Variants in PPA1 observed in about 807,000 individuals in gnomAD.
PPA1 encodes the protein inorganic pyrophosphatase 1, also known as inorganic pyrophosphatase.
Under a neutral mutation model 41.8 loss-of-function variants are expected in PPA1, and 23 were observed. The observed-to-expected ratio is 0.55, with a 90% confidence interval of 0.40 to 0.78. The LOEUF (loss-of-function observed/expected upper bound fraction) is 0.78, where lower values mean the gene tolerates loss of function less well. Among genes scored for constraint, PPA1 ranks in the 30% least tolerant of loss-of-function variants. The probability of loss-of-function intolerance (pLI) is 0.00; values close to 1 mark genes in which losing one functional copy is unlikely to be tolerated. For missense variants in PPA1, 320 were observed against 361.6 expected, an observed-to-expected ratio of 0.89 and a Z score of 0.93; for synonymous variants, 101 against 116.8, an observed-to-expected ratio of 0.86 and a Z score of 0.87.
At chr10:70,215,952 G>A (rs1165359717) in intron 4 of PPA1, among the ~76,000 whole-genome samples, 1 of 152,188 alleles carries the variant, frequency 6.6e-6, no homozygotes, top group East Asian at 1.9e-4. Flanking sequence ...GTGCTAGCCA[G>A]GATGTTAGGT....
chr10:70,218,709 G>T, intron 3 of PPA1, 55 bp downstream of exon 3: 1 of 1,350,830 alleles, frequency 7.4e-7, no homozygotes, highest in Non-Finnish European at 1.1e-6. Context: ...AAGTCAGTGT[G>T]ACTAGATCAA....
In PPA1 at chr10:70,223,144, C is replaced by T. The variant is rs544302610; in HGVS notation, c.124-4327G>A. 1.4e-3 allele frequency among the ~76,000 whole-genome samples: 216 copies of T among 152,048 alleles called. 4 individuals are homozygous for T. In the South Asian group the frequency reaches 0.018, roughly 13 times the overall value. ...CTTTGGGAGGCAGAGGCAGGAGGAC[C>T]GCTTGAGGCCAAGAGTTCAAGACCA... On this transcript the variant is annotated intron_variant, in intron 2 of 10. Coordinates refer to ENST00000373232, the MANE Select transcript of PPA1 (RefSeq NM_021129.4).
chr10:70,207,755 T>C (rs1342878773), intron 8 of PPA1, among the ~76,000 whole-genome samples: 1 of 152,222 alleles, frequency 6.6e-6, no homozygotes, highest in Non-Finnish European at 1.5e-5. Context: ...ACAATCCTAA[T>C]ATGTTTTTTG....
intron 2 of PPA1, among the ~76,000 whole-genome samples, chr10:70,229,070 AAAG>A (rs769831166): frequency 9.9e-5 from 15 of 152,252 alleles, no homozygotes; most frequent in Non-Finnish European, 2.2e-4. Flanking sequence ...AAAGGTAGAA[AAAG>A]AATAAGATAT....
intron 2 of PPA1, among the ~76,000 whole-genome samples, chr10:70,221,078 T>TATATATATA (rs1564584674): frequency 1.0e-4 from 1 of 9,968 alleles, no homozygotes; most frequent in African/African-American, 5.5e-4. Context: ...ATATATATAT[T>TATATATATA]TTTTTTTTTT....
intron 9 of PPA1, chr10:70,205,130 A>T: frequency 2.8e-6 from 1 of 353,204 alleles, no homozygotes; most frequent in Non-Finnish European, 5.1e-6. Context: ...CATGCCCATA[A>T]TCCCAACACT....
chr10:70,206,762 T>A (rs996167525), intron 8 of PPA1, among the ~76,000 whole-genome samples: 1 of 150,274 alleles, frequency 6.7e-6, no homozygotes, highest in Admixed American at 6.7e-5. Flanking sequence ...GAGAATCGCT[T>A]GAATCTGGAA....
At chr10:70,218,133 AT>A (rs1840099425) in intron 3 of PPA1, among the ~76,000 whole-genome samples, 1 of 152,232 alleles carries the variant, frequency 6.6e-6, no homozygotes, top group Non-Finnish European at 1.5e-5. Flanking sequence ...TAAAGGAACT[AT>A]CAAGAAGGGA....
intron 2 of PPA1, among the ~76,000 whole-genome samples, chr10:70,221,041 T>TTATA (rs372616008): frequency 0.011 from 691 of 64,930 alleles, 36 homozygotes; most frequent in Non-Finnish European, 0.015. Flanking sequence ...TATATATAAA[T>TTATA]TATATATATA....
At chr10:70,221,080 T>TATATATATATATATATATATATATA (rs1840161942) in intron 2 of PPA1, among the ~76,000 whole-genome samples, 1 of 13,030 alleles carries the variant, frequency 7.7e-5, no homozygotes, top group African/African-American at 3.2e-4. Flanking sequence ...ATATATATTT[T>TATATATATATATATATATATATATA]TTTTTTTTTT....
At position 70,230,321 on chromosome 10, in the gene PPA1, C is replaced by T; in HGVS notation, c.123+20G>A. 6.2e-7 allele frequency: 1 copy of T among 1,611,916 alleles called. No individual in the cohort carries two copies. Among genetic ancestry groups the T allele is most frequent in the African/African-American group, 1.3e-5 (1 of 74,936 alleles). Reference sequence around the variant, plus strand: ...CTGATCTGAGTAAAGAGACTGTGTCCAAAAACAAGGATGCCTTACCTTATC... The same window carrying T: ...CTGATCTGAGTAAAGAGACTGTGTCTAAAAACAAGGATGCCTTACCTTATC... On this transcript the variant is annotated intron_variant, in intron 2 of 10. Transcript: ENST00000373232.
intron 4 of PPA1, 96 bp from the exon 5 acceptor site, chr10:70,214,682 TTTTTTCTCATTG>T (rs1424884417): frequency 1.1e-6 from 1 of 927,268 alleles, no homozygotes; most frequent in Non-Finnish European, 1.6e-6. Flanking sequence ...CTTCAGCTAC[TTTTTTCTCATTG>T]TTTTAGTTCT....
At chr10:70,213,709 T>C in intron 5 of PPA1, 120 bp from the exon 6 acceptor site, 1 of 1,226,900 alleles carries the variant, frequency 8.2e-7, no homozygotes, top group Non-Finnish European at 1.1e-6. Context: ...CTGAAGATTG[T>C]TCCTTTAAGC....
At chr10:70,221,476 T>C (rs1225372328) in intron 2 of PPA1, among the ~76,000 whole-genome samples, 2 of 152,146 alleles carry the variant, frequency 1.3e-5, no homozygotes, top group African/African-American at 4.8e-5. Context: ...CTGAAGAAAC[T>C]GCTCTATCCC....
chr10:70,222,354 A>G (rs12355577), intron 2 of PPA1, among the ~76,000 whole-genome samples: 34,238 of 146,812 alleles, frequency 0.23, 5,073 homozygotes, highest in Non-Finnish European at 0.32. Flanking sequence ...AAAAAAAAAA[A>G]AAAAAGAAAT....
At chr10:70,233,126 G>T in intron 1 of PPA1, 138 bp downstream of exon 1, 1 of 983,914 alleles carries the variant, frequency 1.0e-6, no homozygotes, top group Non-Finnish European at 1.4e-6. Context: ...AGGCCGGCCA[G>T]GCCCCACAAC....
In PPA1 at chr10:70,233,343, C is replaced by T; in HGVS notation, c.-16G>A. On this transcript the variant is annotated 5_prime_UTR_variant, in exon 1 of 11. Coordinates refer to ENST00000373232, the MANE Select transcript of PPA1 (RefSeq NM_021129.4). ...AGCCGCTCATAGTGCCGGAGTCCTG[C>T]CGCCGCCGCTGCCACAGAGCCACCA... is the stretch of plus-strand genomic sequence containing the variant. 1 of 1,527,942 alleles carries T rather than the reference C, an allele frequency of 6.5e-7. No homozygotes were observed. The highest frequency in any genetic ancestry group is 1.4e-5 in the African/African-American group (1 of 71,184). The allele number at this position is 1,527,942 out of a possible 1,614,324, so 94.6% of individuals were successfully genotyped here. A position where few individuals can be genotyped will look rare whatever the true frequency, so the allele number is the denominator to read the frequency against.
At position 70,202,988 on chromosome 10, in the gene PPA1, G is replaced by T; in HGVS notation, c.*167C>A. The stretch of plus-strand genomic sequence containing the variant: ...TTATCTTAGTTGAGATATGAAAAAT[G>T]CTTTAGATGGATAACATTCTGAGTA... On this transcript the variant is annotated 3_prime_UTR_variant, in exon 11 of 11. Coordinates refer to ENST00000373232, the MANE Select transcript of PPA1 (RefSeq NM_021129.4). 1.4e-6 allele frequency: 1 copy of T among 689,908 alleles called. No individual in the cohort carries two copies. The highest frequency in any genetic ancestry group is 2.5e-6 in the Non-Finnish European group (1 of 400,884). 42.7% of individuals were successfully genotyped at this position (689,908 alleles called of 1,614,324 possible).
chr10:70,232,499 C>G (rs1422875388), intron 1 of PPA1, among the ~76,000 whole-genome samples: 1 of 152,228 alleles, frequency 6.6e-6, no homozygotes, highest in African/African-American at 2.4e-5. Flanking sequence ...CCCGGTTTCC[C>G]CGTGCAGCCC....
Sources: allele counts gnomAD v4.1 joint callset (sites outside exome capture counted in the v4.1 genomes callset), GRCh38; gene constraint gnomAD v4.1.1; transcripts MANE v1.5; gene names NCBI Gene and HGNC (gene_info 2026-07-23, HGNC 2026-07-21).